PLPPR1: variants seen among roughly 807,000 people sequenced by gnomAD.
PLPPR1 encodes phospholipid phosphatase related 1.
PLPPR1 carries 10 observed loss-of-function variants against 33.1 expected under a neutral mutation model. The ratio of observed to expected loss-of-function variants is 0.30; its 90% CI spans 0.19 to 0.51. The LOEUF (loss-of-function observed/expected upper bound fraction) is 0.51, where lower values mean the gene tolerates loss of function less well. Ranked by LOEUF, PLPPR1 falls within the 20% of genes least tolerant of loss-of-function variation. The probability of loss-of-function intolerance (pLI) is 0.97; values close to 1 mark genes in which losing one functional copy is unlikely to be tolerated. For missense variants in PLPPR1, 304 were observed against 408.1 expected (o/e 0.74, Z 2.20); for synonymous variants, 151 against 151.0 (o/e 1.00, Z 0.00).
intron 3 of PLPPR1, among the ~76,000 whole-genome samples, chr9:101,275,516 C>G (rs1564024221): frequency 6.6e-6 from 1 of 152,172 alleles, no homozygotes; most frequent in Non-Finnish European, 1.5e-5. Context: ...TACTGTGTCC[C>G]CGTTTAGCCC....
intron 2 of PLPPR1, among the ~76,000 whole-genome samples, chr9:101,206,329 A>G (rs1043976263): frequency 1.3e-5 from 2 of 152,206 alleles, no homozygotes; most frequent in East Asian, 3.9e-4. Context: ...TCATACTCTC[A>G]ACCTGATGGT....
chr9:101,285,515 C>A (rs573909297), intron 3 of PLPPR1, among the ~76,000 whole-genome samples: 5 of 152,182 alleles, frequency 3.3e-5, no homozygotes, highest in African/African-American at 1.2e-4. Flanking sequence ...TGAGTAAAGT[C>A]CTCACTTAAT....
chr9:101,044,370 A>G (rs570982440), intron 1 of PLPPR1, among the ~76,000 whole-genome samples: 1 of 152,264 alleles, frequency 6.6e-6, no homozygotes, highest in Non-Finnish European at 1.5e-5. Flanking sequence ...AACACAGAAA[A>G]CATTTGGAAG....
At chr9:101,046,435 CTTTT>C (rs527884198) in intron 1 of PLPPR1, among the ~76,000 whole-genome samples, 3 of 116,750 alleles carry the variant, frequency 2.6e-5, no homozygotes, top group African/African-American at 1.1e-4. Flanking sequence ...CTCTTTTATT[CTTTT>C]TTTTTTTTTT....
intron 1 of PLPPR1, among the ~76,000 whole-genome samples, chr9:101,098,583 A>G (rs1187465829): frequency 2.6e-5 from 4 of 152,142 alleles, no homozygotes; most frequent in African/African-American, 9.7e-5. Context: ...GGTCATCAAC[A>G]TGTGAATGGT....
At chr9:101,228,112 T>A (rs192978106) in intron 2 of PLPPR1, among the ~76,000 whole-genome samples, 1 of 152,248 alleles carries the variant, frequency 6.6e-6, no homozygotes, top group African/African-American at 2.4e-5. Flanking sequence ...ATCTGACAAA[T>A]TCAAGATGAC....
chr9:101,310,271 C>A (rs533722973), intron 5 of PLPPR1, among the ~76,000 whole-genome samples: 2 of 152,342 alleles, frequency 1.3e-5, no homozygotes, highest in South Asian at 4.1e-4. Flanking sequence ...AGCTCAAAGG[C>A]TCCACGGGCT....
chr9:101,192,607 A>C (rs186702083), intron 2 of PLPPR1, among the ~76,000 whole-genome samples: 1 of 152,238 alleles, frequency 6.6e-6, no homozygotes, highest in Non-Finnish European at 1.5e-5. Flanking sequence ...CATGAAAATA[A>C]TGAAAAACAA....
At chr9:101,323,631 G>A (rs1829196295) in intron 7 of PLPPR1, among the ~76,000 whole-genome samples, 1 of 152,214 alleles carries the variant, frequency 6.6e-6, no homozygotes, top group East Asian at 1.9e-4. Context: ...CCTGAGGTCG[G>A]GAGTTCGATA....
At chr9:101,093,740 C>G (rs1378488460) in intron 1 of PLPPR1, among the ~76,000 whole-genome samples, 2 of 152,202 alleles carry the variant, frequency 1.3e-5, no homozygotes, top group Admixed American at 6.5e-5. Context: ...CCTCTTTTCA[C>G]TAGATCAGCC....
chr9:101,124,964 AAAAG>A (rs1383281131), intron 1 of PLPPR1, among the ~76,000 whole-genome samples: 6 of 152,228 alleles, frequency 3.9e-5, no homozygotes, highest in African/African-American at 1.4e-4. Context: ...TCCTGGAGAG[AAAAG>A]AAAGAGCATT....
chr9:101,182,990 T>C (rs1436509963), intron 1 of PLPPR1, among the ~76,000 whole-genome samples: 1 of 151,472 alleles, frequency 6.6e-6, no homozygotes, highest in Non-Finnish European at 1.5e-5. Flanking sequence ...AGATAAACAA[T>C]AAAAATGTCA....
At chr9:101,092,713 C>T (rs973597556) in intron 1 of PLPPR1, among the ~76,000 whole-genome samples, 9 of 152,136 alleles carry the variant, frequency 5.9e-5, no homozygotes, top group African/African-American at 1.4e-4. Flanking sequence ...GGAAATCTTC[C>T]TTGACTTCCA....
chr9:101,263,577 C>T (rs1412759021), intron 2 of PLPPR1, among the ~76,000 whole-genome samples: 1 of 152,152 alleles, frequency 6.6e-6, no homozygotes, highest in Non-Finnish European at 1.5e-5. Flanking sequence ...CACTTGGAAA[C>T]ATTTAAAGTG....
intron 1 of PLPPR1, among the ~76,000 whole-genome samples, chr9:101,180,094 T>G (rs559141334): frequency 1.6e-5 from 1 of 62,020 alleles, no homozygotes; most frequent in Non-Finnish European, 3.1e-5. Context: ...AAACTCTCCT[T>G]TATATATATA....
At chr9:101,111,012 G>C (rs1423584732) in intron 1 of PLPPR1, among the ~76,000 whole-genome samples, 1 of 152,016 alleles carries the variant, frequency 6.6e-6, no homozygotes. Context: ...TGGGTTAATG[G>C]AATTATAGTT....
intron 1 of PLPPR1, among the ~76,000 whole-genome samples, chr9:101,043,491 A>G (rs1830108638): frequency 6.6e-6 from 1 of 151,850 alleles, no homozygotes; most frequent in African/African-American, 2.4e-5. Flanking sequence ...ACACATACAT[A>G]TATACATACA....
intron 2 of PLPPR1, among the ~76,000 whole-genome samples, chr9:101,221,066 T>A (rs1376621438): frequency 6.6e-6 from 1 of 152,190 alleles, no homozygotes; most frequent in African/African-American, 2.4e-5. Context: ...CCCTGTTCTA[T>A]TTTTGCAACT....
At chr9:101,222,151 T>C (rs575761732) in intron 2 of PLPPR1, among the ~76,000 whole-genome samples, 4 of 152,156 alleles carry the variant, frequency 2.6e-5, no homozygotes, top group Non-Finnish European at 5.9e-5. Flanking sequence ...AACTTGGGAA[T>C]TGAAGTAGCA....
Sources: allele counts gnomAD v4.1 joint callset (sites outside exome capture counted in the v4.1 genomes callset), GRCh38; gene constraint gnomAD v4.1.1; transcripts MANE v1.5; gene names NCBI Gene and HGNC (gene_info 2026-07-23, HGNC 2026-07-21).